The following HK2 variants were observed in gnomAD, a reference collection of about 807,000 sequenced individuals.
HK2 encodes hexokinase-2.
A neutral mutation model predicts 92.9 loss-of-function variants in HK2; 42 were observed. That is an observed-to-expected ratio of 0.45 (90% confidence interval 0.35 to 0.58). HK2 has a LOEUF of 0.58. Ranked by LOEUF, HK2 falls within the 20% of genes least tolerant of loss-of-function variation. The pLI is 0.00. For synonymous variants in HK2, 422 were observed against 468.0 expected (o/e 0.90, Z 1.27); for missense variants, 978 against 1,245.1 (o/e 0.79, Z 3.23).
chr2:74,867,520 C>A (rs1688982800), intron 2 of HK2, 116 bp from the exon 3 acceptor site: 2 of 1,035,814 alleles, frequency 1.9e-6, no homozygotes, highest in Admixed American at 1.7e-5. Flanking sequence ...AGGAGTGAAT[C>A]CCACTGGCCG....
chr2:74,847,782 A>C (rs1218990885), intron 1 of HK2, among the ~76,000 whole-genome samples: 1 of 152,212 alleles, frequency 6.6e-6, no homozygotes, highest in Non-Finnish European at 1.5e-5. Context: ...TCTTTGAGTC[A>C]GTCGTTTTCA....
chr2:74,856,380 G>A (rs1460154836), intron 2 of HK2, among the ~76,000 whole-genome samples: 3 of 152,126 alleles, frequency 2.0e-5, no homozygotes, highest in African/African-American at 7.2e-5. Context: ...TCCTGAGTGT[G>A]TTTCTTGGCC....
In HK2 at chr2:74,891,132, T is replaced by C. The variant is rs772538055; in HGVS notation, c.*191T>C. The C allele has an allele frequency of 4.2e-5, 26 of 622,330 alleles. No individual in the cohort carries two copies. Among genetic ancestry groups the C allele is most frequent in the Admixed American group, 8.6e-5 (3 of 34,984 alleles). The allele number at this position is 622,330 out of a possible 1,614,324, so 38.6% of individuals were successfully genotyped here. A position where few individuals can be genotyped will look rare whatever the true frequency, so the allele number is the denominator to read the frequency against. On this transcript the variant is annotated 3_prime_UTR_variant, in exon 18 of 18. Coordinates refer to ENST00000290573, the MANE Select transcript of HK2 (RefSeq NM_000189.5). ...CTGAGCTTGGCCCTATTAAGATAAA[T>C]AGAGTTCCAAATAAGGATTTGTTCA...
chr2:74,873,233 GT>G, intron 4 of HK2, 42 bp from the exon 5 acceptor site: 3 of 1,464,092 alleles, frequency 2.0e-6, no homozygotes, highest in Non-Finnish European at 2.9e-6. Flanking sequence ...GTGAGTTTCA[GT>G]TTTAGTGGGA....
intron 2 of HK2, among the ~76,000 whole-genome samples, chr2:74,864,543 A>G (rs1046623856): frequency 1.3e-5 from 2 of 151,756 alleles, no homozygotes; most frequent in Admixed American, 6.6e-5. Flanking sequence ...GTCTGGCTCT[A>G]TTGCCCAGGC....
At chr2:74,878,665 C>T in intron 8 of HK2, 23 bp from the exon 9 acceptor site, 10 of 1,570,276 alleles carry the variant, frequency 6.4e-6, no homozygotes, top group Non-Finnish European at 7.8e-6. Flanking sequence ...CACAGGCCCA[C>T]ATGCTATCTT....
chr2:74,855,129 T>G (rs1465737758), intron 2 of HK2, among the ~76,000 whole-genome samples: 1 of 152,204 alleles, frequency 6.6e-6, no homozygotes, highest in Non-Finnish European at 1.5e-5. Flanking sequence ...CTGGAGTAGC[T>G]GGGATTACAG....
rs1689666450 is a variant in HK2 at position 74,891,043 on chromosome 2, G to A, written c.*102G>A. On this transcript the variant is annotated 3_prime_UTR_variant, in exon 18 of 18. Transcript: ENST00000290573. ...GTCAGAGACAGACCCCTTGGCTTTT[G>A]CTTGGCAGAGAGGACCCCACTGGAC... 1.4e-6 allele frequency: 2 copies of A among 1,427,014 alleles called. No homozygotes were observed. The highest frequency in any genetic ancestry group is 4.9e-5 in the East Asian group (2 of 40,590). The allele number at this position is 1,427,014 out of a possible 1,614,324, so 88.4% of individuals were successfully genotyped here.
At position 74,888,065 on chromosome 2, in the gene HK2, G is replaced by C; in HGVS notation, c.2375+7G>C. The C allele has an allele frequency of 6.2e-7, 1 of 1,614,080 alleles. No homozygotes were observed. Among genetic ancestry groups the C allele is most frequent in the Non-Finnish European group, 8.5e-7 (1 of 1,179,916 alleles). On this transcript the variant is annotated splice_region_variant and intron_variant, in intron 16 of 17. Transcript: ENST00000290573. ...TCTTGTCTCAGATTGAGAGGTGAGA[G>C]CTTAGGGCTCAGGGTAGCAGGGGGG...
chr2:74,888,424 T>C (rs1386751253), intron 16 of HK2, among the ~76,000 whole-genome samples: 1 of 152,246 alleles, frequency 6.6e-6, no homozygotes, highest in Non-Finnish European at 1.5e-5. Flanking sequence ...TCCTAACTGC[T>C]GGCTGCAGTA....
chr2:74,850,877 A>G (rs922808061), intron 1 of HK2, among the ~76,000 whole-genome samples: 3 of 152,130 alleles, frequency 2.0e-5, no homozygotes, highest in Non-Finnish European at 4.4e-5. Context: ...TGGCCCTAAT[A>G]AGCTGAGTGG....
At chr2:74,885,445 C>A in intron 12 of HK2, 49 bp from the exon 13 acceptor site, 1 of 1,357,154 alleles carries the variant, frequency 7.4e-7, no homozygotes, top group Non-Finnish European at 1.1e-6. Context: ...CAGAACTGAC[C>A]TGGGAGCTCT....
intron 2 of HK2, among the ~76,000 whole-genome samples, chr2:74,863,764 G>T (rs1688886960): frequency 6.6e-6 from 1 of 152,172 alleles, no homozygotes; most frequent in African/African-American, 2.4e-5. Context: ...GAGGATGATT[G>T]GAATGTTCAG....
intron 1 of HK2, among the ~76,000 whole-genome samples, chr2:74,848,486 TTA>T (rs3077990): frequency 0.22 from 33,467 of 152,098 alleles, 4,264 homozygotes; most frequent in African/African-American, 0.35. Context: ...TCTTGTAAAA[TTA>T]TGTTTCTGTA....
chr2:74,870,128 C>T (rs1444216625), intron 3 of HK2, among the ~76,000 whole-genome samples: 4 of 151,954 alleles, frequency 2.6e-5, no homozygotes, highest in South Asian at 2.1e-4. Context: ...CCTTCCTCAG[C>T]CTCCCGAGTA....
chr2:74,835,449 C>T (rs1688138417), intron 1 of HK2: 1 of 152,368 alleles, frequency 6.6e-6, no homozygotes, highest in Non-Finnish European at 1.5e-5. Context: ...TATGTCCTTC[C>T]GAAAACGAGC....
rs538810721 is a variant in HK2, at chr2:74,877,546, G to A, written c.1031+225G>A. Among the ~76,000 whole-genome samples the A allele has an allele frequency of 3.1e-4, 47 of 152,264 alleles. 2 individuals are homozygous for A. The East Asian group carries it at 7.1e-3, about 23-fold the overall frequency. On this transcript the variant is annotated intron_variant, in intron 8 of 17. Transcript: ENST00000290573. Reference sequence around the variant, plus strand: ...ACCAGTGACTCATGGTACTGGGAACGGTGGTTGGCCTCCATATGCAGGGAC... The same window carrying A: ...ACCAGTGACTCATGGTACTGGGAACAGTGGTTGGCCTCCATATGCAGGGAC...
chr2:74,843,786 G>T (rs1490634559), intron 1 of HK2, among the ~76,000 whole-genome samples: 1 of 152,194 alleles, frequency 6.6e-6, no homozygotes, highest in Non-Finnish European at 1.5e-5. Context: ...TTAAATGAGG[G>T]CATTCGAAAC....
At chr2:74,835,907 C>G (rs537527587) in intron 1 of HK2, among the ~76,000 whole-genome samples, 1 of 152,110 alleles carries the variant, frequency 6.6e-6, no homozygotes, top group African/African-American at 2.4e-5. Context: ...CTGGCGGTCC[C>G]GAGGGCATAG....
Sources: gnomAD v4.1 joint callset for allele counts (sites outside exome capture counted in the v4.1 genomes callset) on GRCh38, gnomAD v4.1.1 for gene constraint, MANE v1.5 for transcripts, NCBI Gene and HGNC (gene_info 2026-07-23, HGNC 2026-07-21) for gene names.